DDX54: variants seen among roughly 807,000 people sequenced by gnomAD.
The protein encoded by DDX54 is DEAD-box helicase 54, also known as ATP-dependent RNA helicase DDX54.
DDX54 carries 67 observed loss-of-function variants against 105.5 expected under a neutral mutation model. The observed-to-expected ratio is 0.64, with a 90% confidence interval of 0.52 to 0.78. DDX54 has a LOEUF of 0.78. Among genes scored for constraint, DDX54 ranks in the 30% least tolerant of loss-of-function variants. The probability of loss-of-function intolerance (pLI) is 0.00; values close to 1 mark genes in which losing one functional copy is unlikely to be tolerated. For synonymous variants in DDX54, 514 were observed against 509.9 expected, an observed-to-expected ratio of 1.01 and a Z score of -0.11; for missense variants, 1,206 against 1,230.5, an observed-to-expected ratio of 0.98 and a Z score of 0.30.
intron 5 of DDX54, among the ~76,000 whole-genome samples, 164 bp downstream of exon 5, chr12:113,178,813 G>A (rs765944160): frequency 1.3e-5 from 2 of 152,206 alleles, no homozygotes; most frequent in African/African-American, 4.8e-5. Flanking sequence ...AGAGTGCTGG[G>A]ATTACAGGCA....
chr12:113,159,321 C>T (rs1365433634), intron 19 of DDX54: 1 of 560,960 alleles, frequency 1.8e-6, no homozygotes, highest in Admixed American at 3.5e-5. Context: ...GGGTTCAAAT[C>T]CCAGCTGTGA....
intron 17 of DDX54, among the ~76,000 whole-genome samples, chr12:113,162,489 G>T (rs1254288507): frequency 6.6e-6 from 1 of 152,222 alleles, no homozygotes; most frequent in Non-Finnish European, 1.5e-5. Context: ...GTGGTCACAT[G>T]GGGGACAGCC....
chr12:113,176,489 C>T (rs942904141), intron 7 of DDX54, among the ~76,000 whole-genome samples: 7 of 152,140 alleles, frequency 4.6e-5, no homozygotes, highest in Admixed American at 2.6e-4. Context: ...ATCACTAGAA[C>T]CCGGAAGGCG....
intron 7 of DDX54, among the ~76,000 whole-genome samples, chr12:113,175,730 A>C (rs1460112055): frequency 6.6e-6 from 1 of 151,986 alleles, no homozygotes; most frequent in Non-Finnish European, 1.5e-5. Context: ...CGGAGCTTGC[A>C]GTGAGCCGAC....
chr12:113,159,919 C>T (rs555727092), intron 19 of DDX54, among the ~76,000 whole-genome samples: 12 of 152,246 alleles, frequency 7.9e-5, no homozygotes, highest in African/African-American at 2.9e-4. Context: ...GAGGGATGAC[C>T]ATTAAGGTGG....
At position 113,174,658 on chromosome 12, in the gene DDX54, G is replaced by A. The variant is rs200644907; in HGVS notation, c.1050C>T (p.His350=). The A allele has an allele frequency of 2.6e-5, 42 of 1,611,286 alleles. No homozygotes were observed. Among genetic ancestry groups the A allele is most frequent in the East Asian group, 1.3e-4 (6 of 44,776 alleles). The change falls in exon 10 of 20, where the codon CAC becomes CAT. Residue 350 remains histidine, a synonymous_variant. Transcript: ENST00000306014. ...TGCTCACCTCAGTGAGGTACTCGGC[G>A]TGGTGCTTCGTGGCCACAAACACCA... ...QTVVFVATKH[H]AEYLTELLTT...
At chr12:113,169,737 G>C (rs751519302) in intron 12 of DDX54, 33 bp downstream of exon 12, 7 of 1,607,784 alleles carry the variant, frequency 4.4e-6, no homozygotes, top group Non-Finnish European at 6.0e-6. Context: ...TGAACTCCAC[G>C]GGGACCCCTA....
intron 7 of DDX54, among the ~76,000 whole-genome samples, chr12:113,176,080 G>T (rs2136323530): frequency 6.6e-6 from 1 of 151,676 alleles, no homozygotes; most frequent in African/African-American, 2.4e-5. Context: ...AAGTCTTCTG[G>T]TCCTCACAAC....
chr12:113,185,346 C>A lies in DDX54; in HGVS notation c.106G>T (p.Ala36Ser), dbSNP rs772603808. ...LRKRRGAASQ[A>S]RGSDSEDGEF... ...CCGTCCTCCGAGTCGCTGCCGCGGG[C>A]CTGGGAGGCCGCGCCTCGGCGCTTC... is the stretch of plus-strand genomic sequence containing the variant. The change falls in exon 1 of 20, where the codon GCC (alanine) becomes TCC (serine). Residue 36 changes from alanine (A) to serine (S), a missense_variant. Ala to Ser is a moderately conservative substitution (Grantham distance 99). Transcript: ENST00000306014. 1.3e-6 allele frequency: 2 copies of A among 1,588,246 alleles called. No individual in the cohort carries two copies. Among genetic ancestry groups the A allele is most frequent in the Admixed American group, 1.7e-5 (1 of 57,818 alleles).
rs761223083 is a variant in DDX54, at chr12:113,176,898, C to T, written c.694G>A (p.Val232Met). Reference protein sequence around the residue: ...ATPGRLVHVAVEMSLKLQSVE... With the variant: ...ATPGRLVHVAMEMSLKLQSVE... Reference sequence around the variant, plus strand: ...CTCTGCAGCTTCAGGCTCATTTCCACAGCCACATGCACCAACCGTCCGGGC... The same window carrying T: ...CTCTGCAGCTTCAGGCTCATTTCCATAGCCACATGCACCAACCGTCCGGGC... Residue 232 changes from valine (V) to methionine (M), a missense_variant, in exon 7 of 20, where the codon GTG (valine) becomes ATG (methionine). Transcript: ENST00000306014. 3.7e-6 allele frequency: 6 copies of T among 1,614,116 alleles called. No individual in the cohort carries two copies. The highest frequency in any genetic ancestry group is 1.7e-5 in the Admixed American group (1 of 60,008).
chr12:113,161,698 G>C (rs946695489), intron 18 of DDX54, among the ~76,000 whole-genome samples, 195 bp downstream of exon 18: 2 of 146,236 alleles, frequency 1.4e-5, no homozygotes, highest in African/African-American at 5.1e-5. Flanking sequence ...CCACTAGTTC[G>C]AGATGCTGCT....
chr12:113,158,111 C>T lies in DDX54; in HGVS notation c.*766G>A, dbSNP rs917655651. ...TCCAGCTGCTGGGGCTGCCCTTGAC[C>T]TTCTCAGAACCTCAAACAGGGGGTG... On this transcript the variant is annotated 3_prime_UTR_variant, in exon 20 of 20. Coordinates refer to ENST00000306014, the MANE Select transcript of DDX54 (RefSeq NM_024072.4). This position sits in a 1 kb window ranked among gnomAD's most constrained non-coding sequence, Gnocchi z 4.9. The T allele has an allele frequency of 5.6e-6, 1 of 179,164 alleles. No homozygotes were observed. The highest frequency in any genetic ancestry group is 1.2e-5 in the Non-Finnish European group (1 of 83,878). 11.1% of individuals were successfully genotyped at this position (179,164 alleles called of 1,614,324 possible).
intron 12 of DDX54, 27 bp downstream of exon 12, chr12:113,169,743 C>A (rs747726208): frequency 6.2e-7 from 1 of 1,611,978 alleles, no homozygotes; most frequent in Non-Finnish European, 8.5e-7. Context: ...CCACGGGGAC[C>A]CCTATCCCCA....
In DDX54 at chr12:113,159,081, G is replaced by A. The variant is rs765952014; in HGVS notation, c.2442C>T (p.Thr814=). 2.5e-6 allele frequency: 4 copies of A among 1,606,106 alleles called. No individual in the cohort carries two copies. Among genetic ancestry groups the A allele is most frequent in the Non-Finnish European group, 3.4e-6 (4 of 1,177,320 alleles). ...QGASRPHAPG[T]PAGRVRPELK... The stretch of plus-strand genomic sequence containing the variant: ...GTTCCGGGCGGACTCGGCCTGCAGG[G>A]GTGCCTGGGGCGTGGGGCCGGGATG... Residue 814 remains threonine, a synonymous_variant, in exon 20 of 20, where the codon ACC becomes ACT. Coordinates refer to ENST00000306014, the MANE Select transcript of DDX54 (RefSeq NM_024072.4).
intron 7 of DDX54, 28 bp from the exon 8 acceptor site, chr12:113,175,185 C>A: frequency 6.4e-7 from 1 of 1,568,552 alleles, no homozygotes; most frequent in South Asian, 1.2e-5. Flanking sequence ...AGGACTGGGT[C>A]AGAGGGGGCC....
In DDX54 at chr12:113,176,920, G is replaced by A. The variant is rs373367841; in HGVS notation, c.672C>T (p.Pro224=). The A allele has an allele frequency of 5.8e-5, 94 of 1,614,042 alleles. No individual in the cohort carries two copies. The highest frequency in any genetic ancestry group is 6.7e-5 in the Non-Finnish European group (79 of 1,180,036). The change falls in exon 7 of 20, where the codon CCC becomes CCT. Residue 224 remains proline, a synonymous_variant. Transcript: ENST00000306014. ...HENPDIIIAT[P]GRLVHVAVEM... is the part of the protein sequence containing the mutation. ...CCACAGCCACATGCACCAACCGTCC[G>A]GGCGTGGCAATAATTCTGGAAGAGG...
chr12:113,185,158 G>T, intron 1 of DDX54, 120 bp downstream of exon 1: 2 of 1,278,984 alleles, frequency 1.6e-6, no homozygotes, highest in South Asian at 3.6e-5. Flanking sequence ...TCCTCGGGTC[G>T]GCAGCCTCCC....
chr12:113,167,382 A>AAAATAAAATG (rs1276082818), intron 12 of DDX54, among the ~76,000 whole-genome samples: 2 of 152,200 alleles, frequency 1.3e-5, no homozygotes, highest in Non-Finnish European at 2.9e-5. Flanking sequence ...CTCAAAAAAT[A>AAAATAAAATG]AAATAAAATG....
At chr12:113,174,809 C>T in intron 9 of DDX54, 38 bp from the exon 10 acceptor site, 1 of 1,614,218 alleles carries the variant, frequency 6.2e-7, no homozygotes, top group Non-Finnish European at 8.5e-7. Flanking sequence ...CTTACGGGGT[C>T]CTGGCCCAGG....
Sources: gnomAD v4.1 joint callset for allele counts (sites outside exome capture counted in the v4.1 genomes callset) on GRCh38, gnomAD v4.1.1 for gene constraint, Gnocchi (gnomAD v3.1) non-coding constraint, MANE v1.5 for transcripts, NCBI Gene and HGNC (gene_info 2026-07-23, HGNC 2026-07-21) for gene names.